Variants in SNTG2 observed in about 807,000 individuals in gnomAD.
SNTG2 encodes syntrophin gamma 2.
SNTG2 carries 74 observed loss-of-function variants against 70.9 expected under a neutral mutation model. The ratio of observed to expected loss-of-function variants is 1.04; its 90% confidence interval spans 0.86 to 1.27. SNTG2 has a LOEUF of 1.27. Among genes scored for constraint, SNTG2 ranks in the 50% most tolerant of loss-of-function variants. SNTG2 has a pLI of 0.00. For synonymous variants in SNTG2, 278 were observed against 273.8 expected, an observed-to-expected ratio of 1.02 and a Z score of -0.15; for missense variants, 717 against 690.7, an observed-to-expected ratio of 1.04 and a Z score of -0.43.
chr2:1,244,702 A>G (rs1246548181), intron 11 of SNTG2, among the ~76,000 whole-genome samples: 1 of 151,382 alleles, frequency 6.6e-6, no homozygotes, highest in African/African-American at 2.4e-5. Context: ...TCTCAAAAAA[A>G]AAAAAAAAAA....
intron 16 of SNTG2, among the ~76,000 whole-genome samples, chr2:1,339,476 T>C (rs1016709573): frequency 6.6e-6 from 1 of 152,232 alleles, no homozygotes; most frequent in Non-Finnish European, 1.5e-5. Flanking sequence ...CATGTGCTAG[T>C]TGGGGCTGGA....
chr2:1,223,591 A>C (rs1162727596), intron 9 of SNTG2, among the ~76,000 whole-genome samples: 1 of 152,232 alleles, frequency 6.6e-6, no homozygotes, highest in Non-Finnish European at 1.5e-5. Context: ...TTACAACTAA[A>C]CATGAACCAA....
At chr2:1,076,305 G>T (rs945595386) in intron 1 of SNTG2, among the ~76,000 whole-genome samples, 1 of 152,082 alleles carries the variant, frequency 6.6e-6, no homozygotes, top group South Asian at 2.1e-4. Context: ...CCTTCCACCC[G>T]TATGGCCCAG....
chr2:1,139,436 A>G (rs913699620), intron 6 of SNTG2, among the ~76,000 whole-genome samples: 1 of 152,064 alleles, frequency 6.6e-6, no homozygotes, highest in Non-Finnish European at 1.5e-5. Flanking sequence ...GGGTTTTGCC[A>G]TTTTGGCCAG....
chr2:1,301,613 A>G (rs1680457823), intron 14 of SNTG2, among the ~76,000 whole-genome samples: 1 of 152,208 alleles, frequency 6.6e-6, no homozygotes, highest in Non-Finnish European at 1.5e-5. Context: ...TACAGCCCTT[A>G]GGGAGGAAAA....
intron 4 of SNTG2, among the ~76,000 whole-genome samples, chr2:1,137,037 T>A (rs1322329816): frequency 1.3e-5 from 2 of 152,220 alleles, no homozygotes. Context: ...GGAAGTGACA[T>A]TCGTTTTCCA....
intron 1 of SNTG2, among the ~76,000 whole-genome samples, chr2:998,672 T>A (rs1661772946): frequency 6.6e-6 from 1 of 152,050 alleles, no homozygotes; most frequent in South Asian, 2.1e-4. Flanking sequence ...TTCATAGGTA[T>A]TCCTGAGGAA....
intron 1 of SNTG2, among the ~76,000 whole-genome samples, chr2:1,051,780 T>G (rs923725591): frequency 6.6e-6 from 1 of 152,208 alleles, no homozygotes; most frequent in Non-Finnish European, 1.5e-5. Flanking sequence ...CACCTGAGCC[T>G]TCAAAGACGG....
chr2:1,162,167 A>G (rs1280570300), intron 6 of SNTG2, among the ~76,000 whole-genome samples: 1 of 152,056 alleles, frequency 6.6e-6, no homozygotes, highest in Non-Finnish European at 1.5e-5. Context: ...GTCCATTGTA[A>G]TAAGTGCAGA....
intron 9 of SNTG2, among the ~76,000 whole-genome samples, chr2:1,219,054 ACTG>A (rs1674580705): frequency 2.0e-5 from 3 of 152,112 alleles, no homozygotes; most frequent in African/African-American, 4.8e-5. Flanking sequence ...GTGGGAGGTG[ACTG>A]GATCACGGGG....
intron 9 of SNTG2, among the ~76,000 whole-genome samples, chr2:1,232,762 A>G (rs1163350241): frequency 6.6e-6 from 1 of 152,262 alleles, no homozygotes; most frequent in Non-Finnish European, 1.5e-5. Context: ...CTACAGAGAC[A>G]GTTTTAAAAT....
chr2:1,022,872 G>C (rs1660270295), intron 1 of SNTG2, among the ~76,000 whole-genome samples: 1 of 152,144 alleles, frequency 6.6e-6, no homozygotes, highest in Non-Finnish European at 1.5e-5. Flanking sequence ...TAAATCCATA[G>C]ACCTTGAGAA....
At chr2:1,196,490 G>A (rs1672915896) in intron 8 of SNTG2, among the ~76,000 whole-genome samples, 1 of 152,098 alleles carries the variant, frequency 6.6e-6, no homozygotes, top group African/African-American at 2.4e-5. Context: ...CTCAAGTCTG[G>A]CAAAAGATTT....
intron 8 of SNTG2, among the ~76,000 whole-genome samples, chr2:1,194,292 G>T (rs746193887): frequency 6.6e-6 from 1 of 152,156 alleles, no homozygotes; most frequent in Non-Finnish European, 1.5e-5. Flanking sequence ...GTCTTTCTCC[G>T]TGTCCTGCTG....
At chr2:1,022,312 C>G (rs1045244355) in intron 1 of SNTG2, among the ~76,000 whole-genome samples, 23 of 151,894 alleles carry the variant, frequency 1.5e-4, no homozygotes, top group African/African-American at 5.6e-4. Context: ...TCCCGTGAAT[C>G]CTTGCGCTCA....
chr2:1,302,194 C>T (rs1457410117), intron 14 of SNTG2, among the ~76,000 whole-genome samples: 1 of 152,000 alleles, frequency 6.6e-6, no homozygotes, highest in South Asian at 2.1e-4. Context: ...CTCCTGAGCT[C>T]GTGATCCTCC....
chr2:1,009,476 A>G (rs112872290), intron 1 of SNTG2, among the ~76,000 whole-genome samples: 89 of 57,608 alleles, frequency 1.5e-3, no homozygotes, highest in Middle Eastern at 0.016. Context: ...CTGTGTCCCC[A>G]GGAAGACATG....
At chr2:1,120,265 TTATC>T (rs1301846901) in intron 4 of SNTG2, among the ~76,000 whole-genome samples, 1 of 152,188 alleles carries the variant, frequency 6.6e-6, no homozygotes, top group Non-Finnish European at 1.5e-5. Context: ...TGGTTATTAC[TTATC>T]TATCAATAAT....
intron 16 of SNTG2, among the ~76,000 whole-genome samples, chr2:1,321,595 G>T (rs1315766018): frequency 6.6e-6 from 1 of 152,144 alleles, no homozygotes; most frequent in Admixed American, 6.5e-5. Flanking sequence ...AGACTGAATC[G>T]AGGGTGCTGA....
Sources: gnomAD v4.1 joint callset for allele counts (sites outside exome capture counted in the v4.1 genomes callset) on GRCh38, gnomAD v4.1.1 for gene constraint, MANE v1.5 for transcripts, NCBI Gene and HGNC (gene_info 2026-07-23, HGNC 2026-07-21) for gene names.